The following LGI1 variants were observed in gnomAD, a reference collection of about 807,000 sequenced individuals.
LGI1 encodes leucine-rich glioma-inactivated protein 1.
Under a neutral mutation model 57.7 loss-of-function variants are expected in LGI1, and 11 were observed. The ratio of observed to expected loss-of-function variants is 0.19; its 90% CI spans 0.12 to 0.32. The LOEUF (loss-of-function observed/expected upper bound fraction) is 0.32, where lower values mean the gene tolerates loss of function less well. LGI1 is among the 10% of genes least tolerant of loss of function. The pLI is 1.00. For synonymous variants in LGI1, 222 were observed against 241.9 expected (o/e 0.92, Z 0.76); for missense variants, 422 against 661.9 (o/e 0.64, Z 3.98).
chr10:93,769,344 T>G (rs1216878855), intron 2 of LGI1: 1 of 152,178 alleles, frequency 6.6e-6, no homozygotes, highest in African/African-American at 2.4e-5. Flanking sequence ...CACTTGGGAG[T>G]GTGCACACTC....
chr10:93,783,362 C>A (rs1204042578), intron 4 of LGI1, among the ~76,000 whole-genome samples: 1 of 152,012 alleles, frequency 6.6e-6, no homozygotes, highest in South Asian at 2.1e-4. Context: ...GGTGACAGAG[C>A]GAGACTCCGT....
chr10:93,759,534 A>C (rs1485416227), intron 2 of LGI1, among the ~76,000 whole-genome samples: 8 of 152,142 alleles, frequency 5.3e-5, no homozygotes, highest in African/African-American at 1.9e-4. Flanking sequence ...GAACACATAA[A>C]ATTTGTTCTG....
intron 2 of LGI1, chr10:93,763,399 G>T (rs1021994244): frequency 6.6e-6 from 1 of 152,246 alleles, no homozygotes. Context: ...CTGGCACTGT[G>T]TGCCATTTGC....
chr10:93,796,859 C>A, intron 7 of LGI1, 109 bp from the exon 8 acceptor site: 1 of 894,770 alleles, frequency 1.1e-6, no homozygotes, highest in Non-Finnish European at 1.8e-6. Context: ...CCAAGGAGAT[C>A]TCTTGTTTCA....
intron 2 of LGI1, among the ~76,000 whole-genome samples, chr10:93,775,176 T>C (rs2059781282): frequency 6.6e-6 from 1 of 152,158 alleles, no homozygotes; most frequent in Non-Finnish European, 1.5e-5. Context: ...AGCACCCAGG[T>C]CAAGAAACTC....
chr10:93,783,221 A>C lies in LGI1; in HGVS notation c.431+5604A>C, dbSNP rs556331464. Among the ~76,000 whole-genome samples, 21 of 152,078 alleles carry C rather than the reference A, an allele frequency of 1.4e-4. No homozygotes were observed. In the South Asian group the frequency reaches 4.4e-3, roughly 32 times the overall value. ...GAAACCCCATCTCTACTAAAAATAC[A>C]AAAAATTAGCTGGGCGTGGTGGCGG... On this transcript the variant is annotated intron_variant, in intron 4 of 7. Coordinates refer to ENST00000371418, the MANE Select transcript of LGI1 (RefSeq NM_005097.4).
intron 4 of LGI1, chr10:93,788,873 TG>T (rs1385254268): frequency 2.6e-5 from 4 of 151,840 alleles, no homozygotes; most frequent in African/African-American, 4.8e-5. Flanking sequence ...TAGAGGCTAA[TG>T]GTATGGGCTC....
At chr10:93,789,603 A>G (rs2059919144) in intron 4 of LGI1, 1 of 162,256 alleles carries the variant, frequency 6.2e-6, no homozygotes. Flanking sequence ...TTGTTTAAAT[A>G]TTGAGTGCAC....
chr10:93,792,990 T>C, intron 6 of LGI1, 78 bp downstream of exon 6: 1 of 1,436,410 alleles, frequency 7.0e-7, no homozygotes, highest in Non-Finnish European at 9.7e-7. Context: ...GGAACTGATA[T>C]TTTTTATATC....
rs550004246 is a variant in LGI1 at position 93,790,018 on chromosome 10, C to T, written c.432-81C>T. The T allele has an allele frequency of 3.1e-5, 41 of 1,324,138 alleles. No individual in the cohort carries two copies. In the African/African-American group the frequency reaches 4.6e-4, roughly 15 times the overall value. The allele number at this position is 1,324,138 out of a possible 1,614,324, so 82.0% of individuals were successfully genotyped here. A position where few individuals can be genotyped will look rare whatever the true frequency, so the allele number is the denominator to read the frequency against. On this transcript the variant is annotated intron_variant, in intron 4 of 7. Coordinates refer to ENST00000371418, the MANE Select transcript of LGI1 (RefSeq NM_005097.4). ...AGTAGGCTGGAAATGACAAAAGAGA[C>T]TCATCACTAAGCTTTATCATTAAAT...
chr10:93,777,232 G>A, intron 2 of LGI1, 147 bp from the exon 3 acceptor site: 1 of 742,878 alleles, frequency 1.3e-6, no homozygotes, highest in Non-Finnish European at 2.4e-6. Context: ...ATGCTGCATA[G>A]ATTATCTGCA....
chr10:93,766,505 TAGA>T (rs1373387982), intron 2 of LGI1, among the ~76,000 whole-genome samples: 4 of 58,242 alleles, frequency 6.9e-5, no homozygotes, highest in Non-Finnish European at 9.5e-5. Context: ...AAGCATTTTA[TAGA>T]TCTCTTTTTT....
At position 93,792,766 on chromosome 10, in the gene LGI1, A is replaced by C. The variant is rs771989109; in HGVS notation, c.527A>C (p.Asn176Thr). The C allele has an allele frequency of 6.2e-7, 1 of 1,614,172 alleles. No individual in the cohort carries two copies. The highest frequency in any genetic ancestry group is 8.5e-7 in the Non-Finnish European group (1 of 1,180,012). Reference protein sequence around the residue: ...TNVDLRGNSFNCDCKLKWLVE... With the variant: ...TNVDLRGNSFTCDCKLKWLVE... ...AGGGACCTGAGGGGTAATTCATTTA[A>C]TTGTGACTGTAAACTGAAATGGCTA... Residue 176 changes from asparagine to threonine, a missense_variant, in exon 6 of 8, where the codon AAT becomes ACT. Transcript: ENST00000371418.
chr10:93,797,140 A>T lies in LGI1; in HGVS notation c.1011A>T (p.Thr337=), dbSNP rs772127033. 1.2e-5 allele frequency: 20 copies of T among 1,614,100 alleles called. No individual in the cohort carries two copies. Among genetic ancestry groups the T allele is most frequent in the Non-Finnish European group, 1.7e-5 (20 of 1,180,044 alleles). The part of the protein sequence containing the change: ...LKIRKPNDIE[T]FKIENNWYFV... Reference sequence around the variant, plus strand: ...TCCGAAAACCCAATGACATTGAAACATTCAAGATTGAAAACAACTGGTACT... The same window carrying T: ...TCCGAAAACCCAATGACATTGAAACTTTCAAGATTGAAAACAACTGGTACT... Residue 337 remains threonine, a synonymous_variant, in exon 8 of 8, where the codon ACA becomes ACT. Transcript: ENST00000371418. The surrounding 1 kb of genome is among the most constrained non-coding windows in gnomAD (Gnocchi z 6.5).
At chr10:93,791,295 T>C (rs569952273) in intron 5 of LGI1, 3 of 152,366 alleles carry the variant, frequency 2.0e-5, no homozygotes, top group Non-Finnish European at 4.4e-5. Flanking sequence ...CAGAGTTCTC[T>C]TGGGAGACTA....
intron 7 of LGI1, among the ~76,000 whole-genome samples, chr10:93,794,329 T>G (rs1221930735): frequency 6.6e-6 from 1 of 151,318 alleles, no homozygotes; most frequent in Non-Finnish European, 1.5e-5. Context: ...AATCTAATTC[T>G]TTCTATGAAA....
chr10:93,777,702 G>A (rs1324507743), intron 4 of LGI1, 85 bp downstream of exon 4: 11 of 1,042,988 alleles, frequency 1.1e-5, no homozygotes, highest in Middle Eastern at 5.9e-4. Flanking sequence ...CCTACTTTAT[G>A]AGTGTCCATA....
chr10:93,775,766 C>T (rs1579166), intron 2 of LGI1, among the ~76,000 whole-genome samples: 57,563 of 152,052 alleles, frequency 0.38, 12,203 homozygotes, highest in Non-Finnish European at 0.48. Context: ...GCAATGGAAA[C>T]TATTTCTTCT....
rs751487032 is a variant in LGI1 at position 93,797,434 on chromosome 10, G to A, written c.1305G>A (p.Val435=). 2 of 1,614,202 alleles carry A rather than the reference G, an allele frequency of 1.2e-6. No homozygotes were observed. Among genetic ancestry groups the A allele is most frequent in the South Asian group, 2.2e-5 (2 of 91,086 alleles). Residue 435 remains valine (V), a synonymous_variant, in exon 8 of 8, where the codon GTG becomes GTA. Coordinates refer to ENST00000371418, the MANE Select transcript of LGI1 (RefSeq NM_005097.4). The surrounding 1 kb of genome is among the most constrained non-coding windows in gnomAD (Gnocchi z 6.5). ...CTAACATGGAGGATGTGTACGCAGTGAAGCACTTCTCAGTGAAAGGGGACG... is the reference window on the plus strand; with the variant it reads ...CTAACATGGAGGATGTGTACGCAGTAAAGCACTTCTCAGTGAAAGGGGACG... ...DIPNMEDVYA[V]KHFSVKGDVY... is the part of the protein sequence containing the mutation.
Sources: gnomAD v4.1 joint callset for allele counts (sites outside exome capture counted in the v4.1 genomes callset) on GRCh38, gnomAD v4.1.1 for gene constraint, Gnocchi (gnomAD v3.1) non-coding constraint, MANE v1.5 for transcripts, NCBI Gene and HGNC (gene_info 2026-07-23, HGNC 2026-07-21) for gene names.